The following EYA2 variants were observed in gnomAD, a reference collection of about 807,000 sequenced individuals.
The protein encoded by EYA2 is protein phosphatase EYA2.
EYA2 carries 31 observed loss-of-function variants against 69.2 expected under a neutral mutation model. The ratio of observed to expected loss-of-function variants is 0.45; its 90% confidence interval spans 0.34 to 0.60. EYA2 has a LOEUF of 0.60. Ranked by LOEUF, EYA2 falls within the 20% of genes least tolerant of loss-of-function variation. The probability of loss-of-function intolerance (pLI) is 0.02; values close to 1 mark genes in which losing one functional copy is unlikely to be tolerated. For synonymous variants in EYA2, 257 were observed against 279.4 expected (o/e 0.92, Z 0.80); for missense variants, 622 against 701.2 (o/e 0.89, Z 1.28).
intron 5 of EYA2, among the ~76,000 whole-genome samples, chr20:47,028,907 G>A (rs910338817): frequency 3.3e-5 from 5 of 151,882 alleles, no homozygotes; most frequent in Admixed American, 6.5e-5. Flanking sequence ...TGGTTATTGC[G>A]ATGCCATAGA....
intron 9 of EYA2, among the ~76,000 whole-genome samples, chr20:47,119,117 C>G (rs919427500): frequency 1.2e-4 from 19 of 152,198 alleles, no homozygotes; most frequent in Non-Finnish European, 1.3e-4. Context: ...GGTTGAGAAG[C>G]CGTCTCCCCT....
At chr20:47,138,666 G>A (rs567419598) in intron 9 of EYA2, among the ~76,000 whole-genome samples, 1 of 151,900 alleles carries the variant, frequency 6.6e-6, no homozygotes. Context: ...GAGGCAGGAG[G>A]ATCACTTGAA....
rs866937 is a variant in EYA2, at chr20:47,089,315, C to G, written c.738C>G (p.Asp246Glu). The G allele has an allele frequency of 6.2e-7, 1 of 1,614,002 alleles. No individual in the cohort carries two copies. The highest frequency in any genetic ancestry group is 1.7e-5 in the Admixed American group (1 of 60,014). The change falls in exon 8 of 16, where the codon GAC becomes GAG. Residue 246 changes from aspartate (D) to glutamate (E), a missense_variant. Physicochemically the swap from Asp to Glu is conservative, Grantham distance 45. Coordinates refer to ENST00000327619, the MANE Select transcript of EYA2 (RefSeq NM_005244.5). Reference sequence around the variant, plus strand: ...CAGACAGGCCGCACCGGGCCTCCGACGGGAAGCTCCGAGGCCGGTCTAAGA... The same window carrying G: ...CAGACAGGCCGCACCGGGCCTCCGAGGGGAAGCTCCGAGGCCGGTCTAAGA... ...GDTDRPHRAS[D>E]GKLRGRSKRS...
At chr20:47,067,528 C>A (rs763595752) in intron 5 of EYA2, among the ~76,000 whole-genome samples, 1 of 152,010 alleles carries the variant, frequency 6.6e-6, no homozygotes, top group Non-Finnish European at 1.5e-5. Context: ...TTACACATTG[C>A]ATGTCTCTAT....
chr20:47,100,908 A>G (rs1600709343), intron 9 of EYA2, among the ~76,000 whole-genome samples: 2 of 152,266 alleles, frequency 1.3e-5, no homozygotes, highest in Admixed American at 1.3e-4. Context: ...GTGCAGCACC[A>G]GAGACCACAG....
At chr20:47,028,721 A>G (rs926250653) in intron 5 of EYA2, among the ~76,000 whole-genome samples, 2 of 152,206 alleles carry the variant, frequency 1.3e-5, no homozygotes, top group African/African-American at 4.8e-5. Flanking sequence ...CAGGGCCAAG[A>G]CAGAGTCTGC....
chr20:47,051,815 AC>A (rs1440277577), intron 5 of EYA2, among the ~76,000 whole-genome samples: 82 of 152,340 alleles, frequency 5.4e-4, no homozygotes, highest in African/African-American at 1.9e-3. Context: ...CATCAGTGAA[AC>A]GATTGAAAGG....
At position 46,964,827 on chromosome 20, in the gene EYA2, C is replaced by A. The variant is rs1253235064; in HGVS notation, c.-10-25174C>A. On this transcript the variant is annotated intron_variant, in intron 1 of 15. Transcript: ENST00000327619. The stretch of plus-strand genomic sequence containing the variant: ...CAGTGCGGCTCTAGAGTCTGTGTGC[C>A]CCAGCATCTGCTGCAGTCATGTGGG... Among the ~76,000 whole-genome samples, 3 of 152,128 alleles carry A rather than the reference C, an allele frequency of 2.0e-5. No individual in the cohort carries two copies. The East Asian group carries it at 5.8e-4, about 29-fold the overall frequency.
At chr20:47,031,713 C>T (rs906588792) in intron 5 of EYA2, among the ~76,000 whole-genome samples, 2 of 152,050 alleles carry the variant, frequency 1.3e-5, no homozygotes, top group Admixed American at 6.6e-5. Context: ...TTATTTCTGA[C>T]GTTTCGATGA....
In EYA2 at chr20:47,054,215, C is replaced by T. The variant is rs145161756; in HGVS notation, c.416-17970C>T. Among the ~76,000 whole-genome samples the T allele has an allele frequency of 4.1e-3, 620 of 152,214 alleles. 2 individuals are homozygous for T. The highest frequency in any genetic ancestry group is 0.014 in the African/African-American group (561 of 41,514). ...GAGGCACTGAGCATTGCACCCCCCA[C>T]TTCTCCAACTTGACCCTGATGCCAC... On this transcript the variant is annotated intron_variant, in intron 5 of 15. Coordinates refer to ENST00000327619, the MANE Select transcript of EYA2 (RefSeq NM_005244.5).
At chr20:47,068,477 A>G (rs976880604) in intron 5 of EYA2, among the ~76,000 whole-genome samples, 2 of 152,184 alleles carry the variant, frequency 1.3e-5, no homozygotes, top group Admixed American at 1.3e-4. Context: ...GGCATGGACT[A>G]TTGGTTCTCA....
chr20:46,989,334 C>G (rs188767944), intron 1 of EYA2, among the ~76,000 whole-genome samples: 3 of 152,106 alleles, frequency 2.0e-5, no homozygotes, highest in Non-Finnish European at 4.4e-5. Context: ...GGCGCAGTCT[C>G]GACTCACTGC....
rs10689930 is a variant in EYA2 at position 47,039,835 on chromosome 20, CTTTTTT to C, written c.415+23556_415+23561del. Among the ~76,000 whole-genome samples, 32 of 69,804 alleles carry C rather than the reference CTTTTTT, an allele frequency of 4.6e-4. 1 individual carries two copies. The highest frequency in any genetic ancestry group is 1.6e-3 in the African/African-American group (27 of 16,438). The allele number at this position is 69,804 out of a possible 152,430, so 45.8% of individuals were successfully genotyped here. ...ATAGGGTCATTGTGAAGATCAAATA[CTTTTTT>C]TTTTTTTTTTTTTTTTTGAGATGGA... On this transcript the variant is annotated intron_variant, in intron 5 of 15. Coordinates refer to ENST00000327619, the MANE Select transcript of EYA2 (RefSeq NM_005244.5).
chr20:47,161,879 G>A (rs1278801326), intron 10 of EYA2, among the ~76,000 whole-genome samples: 2 of 152,202 alleles, frequency 1.3e-5, no homozygotes, highest in African/African-American at 2.4e-5. Context: ...TCTTCCCCTC[G>A]CCTTGGGCAC....
chr20:46,997,339 TG>T (rs931590531), intron 2 of EYA2, among the ~76,000 whole-genome samples: 1 of 152,138 alleles, frequency 6.6e-6, no homozygotes, highest in African/African-American at 2.4e-5. Flanking sequence ...CCTCCAACAC[TG>T]GGGATTACAC....
intron 5 of EYA2, among the ~76,000 whole-genome samples, chr20:47,046,481 C>T (rs989236182): frequency 4.6e-5 from 7 of 152,192 alleles, no homozygotes; most frequent in Admixed American, 2.6e-4. Flanking sequence ...ATCATCTCTG[C>T]ACAGAGCAGT....
At chr20:47,032,763 C>G (rs1444351881) in intron 5 of EYA2, among the ~76,000 whole-genome samples, 1 of 152,184 alleles carries the variant, frequency 6.6e-6, no homozygotes, top group Non-Finnish European at 1.5e-5. Flanking sequence ...ATAGGAGTAG[C>G]TTTTGTGAAG....
At chr20:47,098,929 T>G (rs1042951432) in intron 9 of EYA2, among the ~76,000 whole-genome samples, 1 of 152,200 alleles carries the variant, frequency 6.6e-6, no homozygotes, top group Non-Finnish European at 1.5e-5. Context: ...TTGTTTTTGG[T>G]CCTTGAACCT....
intron 10 of EYA2, among the ~76,000 whole-genome samples, chr20:47,151,788 CTG>C (rs1356421698): frequency 6.6e-6 from 1 of 151,954 alleles, no homozygotes; most frequent in African/African-American, 2.4e-5. Context: ...GATGTGAATT[CTG>C]TGTTCCCCAC....
Sources: gnomAD v4.1 joint callset for allele counts (sites outside exome capture counted in the v4.1 genomes callset) on GRCh38, gnomAD v4.1.1 for gene constraint, MANE v1.5 for transcripts, NCBI Gene and HGNC (gene_info 2026-07-23, HGNC 2026-07-21) for gene names.